The following IFFO2 variants were observed in gnomAD, a reference collection of about 807,000 sequenced individuals.
IFFO2 encodes intermediate filament family orphan 2.
IFFO2 carries 19 observed loss-of-function variants against 53.5 expected under a neutral mutation model. That is an observed-to-expected ratio of 0.36 (90% CI 0.25 to 0.52). The LOEUF is 0.52. Among genes scored for constraint, IFFO2 ranks in the 20% least tolerant of loss-of-function variants. The pLI is 0.94. For synonymous variants in IFFO2, 303 were observed against 313.6 expected (o/e 0.97, Z 0.36); for missense variants, 570 against 727.4 (o/e 0.78, Z 2.49).
chr1:18,912,309 A>AT (rs56042056), intron 5 of IFFO2, among the ~76,000 whole-genome samples: 17 of 151,056 alleles, frequency 1.1e-4, no homozygotes, highest in East Asian at 3.9e-4. Flanking sequence ...AAAAATGTGT[A>AT]TTTTTTTTTT....
chr1:18,949,866 G>T (rs765953848), intron 1 of IFFO2, among the ~76,000 whole-genome samples: 1 of 152,238 alleles, frequency 6.6e-6, no homozygotes, highest in Non-Finnish European at 1.5e-5. Context: ...ATCCGGTCTC[G>T]TTTGCCAAGG....
rs185694487 is a variant in IFFO2 at position 18,920,510 on chromosome 1, T to C, written c.726+551A>G. 3.6e-3 allele frequency among the ~76,000 whole-genome samples: 551 copies of C among 152,324 alleles called. 1 individual carries two copies. Among genetic ancestry groups the C allele is most frequent in the Middle Eastern group, 6.8e-3 (2 of 294 alleles). ...GAGAGGAAAATAGAGGCTGAGAAGA[T>C]GAAGTTTGCTGCCCAGGTTACACCG... On this transcript the variant is annotated intron_variant, in intron 2 of 8. Coordinates refer to ENST00000455833, the MANE Select transcript of IFFO2 (RefSeq NM_001136265.2).
Position 18,928,578 on chromosome 1 carries a change from C to T in IFFO2, c.666-7457G>A, listed in dbSNP as rs1936333497. Among the ~76,000 whole-genome samples the T allele has an allele frequency of 6.6e-6, 1 of 152,160 alleles. No individual in the cohort carries two copies. Among genetic ancestry groups the T allele is most frequent in the Admixed American group, 6.5e-5 (1 of 15,286 alleles). The stretch of plus-strand genomic sequence containing the variant: ...TGCTTTCAACCAGAAACGGCAGCCT[C>T]CTCCAGGGATCCCAGCGTGCCAGGT... On this transcript the variant is annotated intron_variant, in intron 1 of 8. Transcript: ENST00000455833. This position sits in a 1 kb window ranked among gnomAD's most constrained non-coding sequence, Gnocchi z 4.9.
chr1:18,930,867 T>C (rs1044576645), intron 1 of IFFO2, among the ~76,000 whole-genome samples: 1 of 152,212 alleles, frequency 6.6e-6, no homozygotes, highest in African/African-American at 2.4e-5. Context: ...TTGGTATTGC[T>C]TATTGAACAC....
At chr1:18,927,200 C>T (rs950912394) in intron 1 of IFFO2, among the ~76,000 whole-genome samples, 6 of 152,218 alleles carry the variant, frequency 3.9e-5, no homozygotes, top group South Asian at 2.1e-4. Context: ...TCCACGTCAA[C>T]GGCACAGCGC....
At position 18,916,872 on chromosome 1, in the gene IFFO2, C is replaced by A. The variant is rs964835351; in HGVS notation, c.1103+31G>T. On this transcript the variant is annotated intron_variant, in intron 5 of 8. Transcript: ENST00000455833. This position sits in a 1 kb window ranked among gnomAD's most constrained non-coding sequence, Gnocchi z 4.3. Reference sequence around the variant, plus strand: ...CCCCTGTGCAAGCAATCCGGGGAAACGGAGAGTGTGCGGGCCACGGGGATA... The same window carrying A: ...CCCCTGTGCAAGCAATCCGGGGAAAAGGAGAGTGTGCGGGCCACGGGGATA... The A allele has an allele frequency of 1.3e-6, 2 of 1,549,938 alleles. No individual in the cohort carries two copies. The highest frequency in any genetic ancestry group is 2.7e-5 in the African/African-American group (2 of 73,020).
At position 18,955,745 on chromosome 1, in the gene IFFO2, G is replaced by C. The variant is rs2148195994; in HGVS notation, c.588C>G (p.Asp196Glu). ...GCGCGCGGATCTCCGGCGTGATGGT[G>C]TCGATCTGCACGCCCACGCCGTCGG... ...VHPDGVGVQI[D>E]TITPEIRALY... Residue 196 changes from aspartate (D) to glutamate (E), a missense_variant, in exon 1 of 9, where the codon GAC (aspartate) becomes GAG (glutamate). Transcript: ENST00000455833. The C allele has an allele frequency of 6.3e-7, 1 of 1,584,964 alleles. No individual in the cohort carries two copies.
At chr1:18,941,648 A>G (rs1936521973) in intron 1 of IFFO2, among the ~76,000 whole-genome samples, 1 of 152,146 alleles carries the variant, frequency 6.6e-6, no homozygotes, top group Admixed American at 6.5e-5. Context: ...CAATTCCCCT[A>G]TCTCAGCCTG....
rs1208183986 is a variant in IFFO2, at chr1:18,918,783, T to C, written c.823-281A>G. Among the ~76,000 whole-genome samples, 2 of 152,062 alleles carry C rather than the reference T, an allele frequency of 1.3e-5. No individual in the cohort carries two copies. Among genetic ancestry groups the C allele is most frequent in the Non-Finnish European group, 2.9e-5 (2 of 67,994 alleles). ...CCTCCCAGCAGACACAGGGTCCGTG[T>C]TCACTTTGTTAGAGCGAAGAAAAAA... On this transcript the variant is annotated intron_variant, in intron 3 of 8. Coordinates refer to ENST00000455833, the MANE Select transcript of IFFO2 (RefSeq NM_001136265.2). The surrounding 1 kb of genome is among the most constrained non-coding windows in gnomAD (Gnocchi z 5.2).
At chr1:18,955,318 G>A (rs865997389) in intron 1 of IFFO2, among the ~76,000 whole-genome samples, 7 of 152,242 alleles carry the variant, frequency 4.6e-5, no homozygotes, top group Middle Eastern at 6.8e-3. Flanking sequence ...CTGCACCTCG[G>A]TTTCCTCATC....
chr1:18,919,423 C>T lies in IFFO2; in HGVS notation c.822+255G>A, dbSNP rs889878598. Among the ~76,000 whole-genome samples, 93 of 138,440 alleles carry T rather than the reference C, an allele frequency of 6.7e-4. No individual in the cohort carries two copies. The highest frequency in any genetic ancestry group is 2.3e-3 in the African/African-American group (89 of 38,220). The allele number at this position is 138,440 out of a possible 152,430, so 90.8% of individuals were successfully genotyped here. On this transcript the variant is annotated intron_variant, in intron 3 of 8. Transcript: ENST00000455833. This position sits in a 1 kb window ranked among gnomAD's most constrained non-coding sequence, Gnocchi z 4.9. ...ACACACACAGACCATCAGGGGAGCC[C>T]GGGGGAGGGCGGGATAGGTTAAGCG...
At chr1:18,955,564 C>A in intron 1 of IFFO2, 104 bp downstream of exon 1, 1 of 1,421,788 alleles carries the variant, frequency 7.0e-7, no homozygotes, top group Admixed American at 2.6e-5. Context: ...AGCCCACCTG[C>A]CAGTACCAGC....
At position 18,936,002 on chromosome 1, in the gene IFFO2, C is replaced by T. The variant is rs895999776; in HGVS notation, c.666-14881G>A. 1.6e-4 allele frequency among the ~76,000 whole-genome samples: 25 copies of T among 151,958 alleles called. No homozygotes were observed. Among genetic ancestry groups the T allele is most frequent in the African/African-American group, 5.8e-4 (24 of 41,442 alleles). The stretch of plus-strand genomic sequence containing the variant: ...CATTACAGGTGTGAGCCACTGCGCC[C>T]GGCCCTCATCTCTTTCAAGATCAGG... On this transcript the variant is annotated intron_variant, in intron 1 of 8. Coordinates refer to ENST00000455833, the MANE Select transcript of IFFO2 (RefSeq NM_001136265.2). The surrounding 1 kb of genome is among the most constrained non-coding windows in gnomAD (Gnocchi z 4.5).
At chr1:18,939,510 T>C (rs1234854075) in intron 1 of IFFO2, among the ~76,000 whole-genome samples, 2 of 152,186 alleles carry the variant, frequency 1.3e-5, no homozygotes, top group African/African-American at 4.8e-5. Flanking sequence ...TCAGGCCACT[T>C]CTAGCTCAGA....
rs1459610124 is a variant in IFFO2 at position 18,917,919 on chromosome 1, C to G, written c.963+443G>C. On this transcript the variant is annotated intron_variant, in intron 4 of 8. Coordinates refer to ENST00000455833, the MANE Select transcript of IFFO2 (RefSeq NM_001136265.2). This position sits in a 1 kb window ranked among gnomAD's most constrained non-coding sequence, Gnocchi z 5.9. The stretch of plus-strand genomic sequence containing the variant: ...CAGCTCCTCTTCTGAACTCTGAGGC[C>G]CCTCTACCAGAGCTCAGGCCAGCTC... Among the ~76,000 whole-genome samples the G allele has an allele frequency of 6.6e-6, 1 of 152,192 alleles. No individual in the cohort carries two copies. The highest frequency in any genetic ancestry group is 2.4e-5 in the African/African-American group (1 of 41,446).
At chr1:18,948,626 G>A (rs1199085448) in intron 1 of IFFO2, among the ~76,000 whole-genome samples, 1 of 152,232 alleles carries the variant, frequency 6.6e-6, no homozygotes, top group Non-Finnish European at 1.5e-5. Flanking sequence ...GTGGGCAGGC[G>A]GCGGCAACAT....
chr1:18,955,532 A>G, intron 1 of IFFO2, 136 bp downstream of exon 1: 1 of 1,306,724 alleles, frequency 7.7e-7, no homozygotes, highest in Non-Finnish European at 1.0e-6. Context: ...CGTACGTAAG[A>G]CGCTCTGCAA....
chr1:18,948,324 A>T (rs1002338576), intron 1 of IFFO2, among the ~76,000 whole-genome samples: 2 of 152,222 alleles, frequency 1.3e-5, no homozygotes, highest in Non-Finnish European at 2.9e-5. Context: ...GCATGCACAG[A>T]GTTGTGCTAC....
intron 2 of IFFO2, among the ~76,000 whole-genome samples, chr1:18,920,424 C>T (rs140441097): frequency 2.0e-5 from 3 of 152,360 alleles, no homozygotes; most frequent in African/African-American, 4.8e-5. Flanking sequence ...AATTTCTAGA[C>T]ATTTTTGGAA....
Sources: allele counts gnomAD v4.1 joint callset (sites outside exome capture counted in the v4.1 genomes callset), GRCh38; gene constraint gnomAD v4.1.1; non-coding constraint Gnocchi (gnomAD v3.1); transcripts MANE v1.5; gene names NCBI Gene and HGNC (gene_info 2026-07-23, HGNC 2026-07-21).